Variants in TEX36 observed in about 807,000 individuals in gnomAD.
TEX36 encodes testis expressed 36, also known as testis-expressed protein 36.
In TEX36, 12 loss-of-function variants were observed where a neutral mutation model predicts 13.6. That is an observed-to-expected ratio of 0.88 (90% CI 0.56 to 1.43). TEX36 has a LOEUF of 1.43. TEX36 is among the 40% of genes most tolerant of loss of function. The pLI, the probability that TEX36 is intolerant of heterozygous loss-of-function variation, is 0.00. For missense variants in TEX36, 224 were observed against 228.3 expected (o/e 0.98, Z 0.12); for synonymous variants, 93 against 83.0 (o/e 1.12, Z -0.65).
At chr10:125,576,621 T>A (rs1451157936) in exon 4 of TEX36, 1 of 1,270,410 alleles carries the variant, frequency 7.9e-7, no homozygotes, top group Non-Finnish European at 1.1e-6. Context: ...TTTCCAAGAA[T>A]GCTGAATAAA....
chr10:125,645,793 T>A (rs1156420344), intron 3 of TEX36, among the ~76,000 whole-genome samples: 1 of 152,090 alleles, frequency 6.6e-6, no homozygotes, highest in African/African-American at 2.4e-5. Flanking sequence ...GGCCCTATAA[T>A]TATTCCCTCT....
intron 2 of TEX36, 99 bp from the exon 3 acceptor site, chr10:125,661,200 G>A (rs1847031495): frequency 3.2e-6 from 3 of 933,434 alleles, no homozygotes; most frequent in Admixed American, 2.0e-5. Flanking sequence ...ATGAGGCAAA[G>A]CGACCTCTAA....
intron 3 of TEX36, among the ~76,000 whole-genome samples, chr10:125,597,956 G>A (rs1026151740): frequency 4.6e-5 from 7 of 152,164 alleles, no homozygotes; most frequent in South Asian, 2.1e-4. Flanking sequence ...CTTATTTAGC[G>A]GGTTATTTAT....
intron 3 of TEX36, among the ~76,000 whole-genome samples, chr10:125,596,490 G>A (rs935794509): frequency 6.6e-6 from 1 of 152,200 alleles, no homozygotes; most frequent in East Asian, 1.9e-4. Flanking sequence ...TGGAAAAGAT[G>A]AGAAAATGGA....
chr10:125,577,645 A>C (rs1482910725), intron 3 of TEX36, among the ~76,000 whole-genome samples: 1 of 152,252 alleles, frequency 6.6e-6, no homozygotes, highest in East Asian at 1.9e-4. Context: ...TATTTCCTCC[A>C]AGTCTTTTTT....
chr10:125,667,164 G>T (rs1847136990), intron 1 of TEX36: 3 of 671,390 alleles, frequency 4.5e-6, no homozygotes, highest in Non-Finnish European at 8.4e-6. Context: ...GGACAGCGGG[G>T]GGCACTGTGC....
At chr10:125,632,077 A>G (rs953543634) in intron 3 of TEX36, among the ~76,000 whole-genome samples, 1 of 152,098 alleles carries the variant, frequency 6.6e-6, no homozygotes, top group African/African-American at 2.4e-5. Context: ...AAATGACGAA[A>G]GAGACTGTCC....
At chr10:125,645,188 A>G (rs1397649800) in intron 3 of TEX36, among the ~76,000 whole-genome samples, 1 of 152,210 alleles carries the variant, frequency 6.6e-6, no homozygotes, top group Non-Finnish European at 1.5e-5. Flanking sequence ...GTTATAAGCC[A>G]CTAAATTTGT....
At position 125,656,027 on chromosome 10, in the gene TEX36, C is replaced by G; in HGVS notation, c.434G>C (p.Arg145Pro). ...MVVSSFRRFP[R>P]CYKEIWNAFT... ...AGCGTTCCATATCTCTTTATAGCAT[C>G]GTGGAAAGCGTCTGAAGCTTGAGAC... Residue 145 changes from arginine (R) to proline (P), a missense_variant, in exon 4 of 4, where the codon CGA (arginine) becomes CCA (proline). Physicochemically the swap from Arg to Pro is moderately radical, Grantham distance 103. Transcript: ENST00000368821. The G allele has an allele frequency of 2.6e-6, 4 of 1,551,880 alleles. No individual in the cohort carries two copies. Among genetic ancestry groups the G allele is most frequent in the Non-Finnish European group, 3.5e-6 (4 of 1,147,032 alleles).
intron 3 of TEX36, among the ~76,000 whole-genome samples, chr10:125,615,862 C>A (rs1242716319): frequency 1.7e-4 from 26 of 152,132 alleles, no homozygotes; most frequent in Admixed American, 1.7e-3. Flanking sequence ...GGAAAGGTAC[C>A]AGTTCCCCCT....
intron 3 of TEX36, 101 bp from the exon 4 acceptor site, chr10:125,656,297 C>T (rs1260427745): frequency 8.6e-7 from 1 of 1,164,720 alleles, no homozygotes; most frequent in African/African-American, 1.7e-5. Flanking sequence ...TGCTCTGTCA[C>T]CCAGGCCAGA....
At chr10:125,610,821 C>A (rs187059580) in intron 3 of TEX36, among the ~76,000 whole-genome samples, 1 of 152,232 alleles carries the variant, frequency 6.6e-6, no homozygotes, top group East Asian at 1.9e-4. Flanking sequence ...GTTCTTTCAT[C>A]TGGAATTTAC....
intron 3 of TEX36, among the ~76,000 whole-genome samples, chr10:125,658,236 A>G (rs1319667259): frequency 1.3e-5 from 2 of 152,268 alleles, no homozygotes; most frequent in Admixed American, 6.5e-5. Context: ...CATAAAGAAC[A>G]AACATTAGCA....
intron 1 of TEX36, among the ~76,000 whole-genome samples, chr10:125,672,412 T>G (rs186927985): frequency 6.6e-6 from 1 of 152,230 alleles, no homozygotes; most frequent in Non-Finnish European, 1.5e-5. Flanking sequence ...AAGAGCAGAT[T>G]GTTCAAATTC....
At chr10:125,582,801 T>A (rs915199032) in intron 3 of TEX36, among the ~76,000 whole-genome samples, 7 of 152,172 alleles carry the variant, frequency 4.6e-5, no homozygotes, top group African/African-American at 1.4e-4. Context: ...GCAATTTGCA[T>A]AAAGACCAGG....
At chr10:125,599,917 C>T (rs1846125224) in intron 3 of TEX36, among the ~76,000 whole-genome samples, 1 of 152,082 alleles carries the variant, frequency 6.6e-6, no homozygotes, top group Admixed American at 6.5e-5. Context: ...CCTGTGAGAC[C>T]CCCAATCCCA....
chr10:125,596,981 T>A (rs1192095522), intron 3 of TEX36, among the ~76,000 whole-genome samples: 1 of 152,218 alleles, frequency 6.6e-6, no homozygotes, highest in Non-Finnish European at 1.5e-5. Context: ...AAAGCCATTA[T>A]GGGATGACAT....
At chr10:125,682,130 A>C (rs1473744298) in intron 1 of TEX36, among the ~76,000 whole-genome samples, 2 of 152,174 alleles carry the variant, frequency 1.3e-5, no homozygotes, top group African/African-American at 2.4e-5. Flanking sequence ...TTTGTGAATG[A>C]ATTGTAGAAA....
In TEX36 at chr10:125,587,286, C is replaced by T. The variant is rs140801762; in HGVS notation, c.265-10412G>A. Among the ~76,000 whole-genome samples the T allele has an allele frequency of 4.7e-3, 713 of 152,208 alleles. 9 individuals are homozygous for T. Among genetic ancestry groups the T allele is most frequent in the African/African-American group, 0.016 (656 of 41,520 alleles). ...GGTGAGTTGCTTAAGCCCAGGAGTT[C>T]GGGGCCAGCCTGGGCAACTTACTGA... On this transcript the variant is annotated intron_variant, in intron 3 of 3. Coordinates refer to the TEX36 transcript ENST00000532135.
Sources: gnomAD v4.1 joint callset for allele counts (sites outside exome capture counted in the v4.1 genomes callset) on GRCh38, gnomAD v4.1.1 for gene constraint, MANE v1.5 for transcripts, NCBI Gene and HGNC (gene_info 2026-07-23, HGNC 2026-07-21) for gene names.